The following RNGTT variants were observed in gnomAD, a reference collection of about 807,000 sequenced individuals.
RNGTT encodes mRNA-capping enzyme.
In RNGTT, 33 loss-of-function variants were observed where a neutral mutation model predicts 79.3. The observed-to-expected ratio is 0.42, with a 90% CI of 0.32 to 0.56. The LOEUF (loss-of-function observed/expected upper bound fraction) is 0.56. Ranked by LOEUF, RNGTT falls within the 20% of genes least tolerant of loss-of-function variation. The pLI is 0.17. For missense variants in RNGTT, 497 were observed against 739.1 expected (o/e 0.67, Z 3.80); for synonymous variants, 222 against 235.9 (o/e 0.94, Z 0.54).
At chr6:88,871,123 T>C (rs563144305) in intron 8 of RNGTT, among the ~76,000 whole-genome samples, 1 of 152,168 alleles carries the variant, frequency 6.6e-6, no homozygotes, top group South Asian at 2.1e-4. Context: ...TATTCTAGAG[T>C]ATACAGACCA....
chr6:88,794,046 T>C (rs1228358540), intron 12 of RNGTT, among the ~76,000 whole-genome samples: 1 of 152,234 alleles, frequency 6.6e-6, no homozygotes, highest in African/African-American at 2.4e-5. Context: ...TCATTTGCAC[T>C]GATCATCATA....
At chr6:88,630,714 C>CTTTTTTTTT (rs3839425) in intron 14 of RNGTT, among the ~76,000 whole-genome samples, 1 of 146,770 alleles carries the variant, frequency 6.8e-6, no homozygotes, top group Admixed American at 6.8e-5. Flanking sequence ...ACATCTGAGA[C>CTTTTTTTTT]TTTTTTTTTT....
chr6:88,749,128 AG>A (rs1777760806), intron 13 of RNGTT, among the ~76,000 whole-genome samples: 1 of 152,200 alleles, frequency 6.6e-6, no homozygotes, highest in Non-Finnish European at 1.5e-5. Context: ...GATAGAATAA[AG>A]ACTGTCACTA....
At chr6:88,821,286 T>G (rs1482381184) in intron 11 of RNGTT, among the ~76,000 whole-genome samples, 1 of 152,122 alleles carries the variant, frequency 6.6e-6, no homozygotes, top group Non-Finnish European at 1.5e-5. Context: ...AAACTTATGA[T>G]TTGTGTATGT....
chr6:88,685,927 C>G (rs1775261149), intron 13 of RNGTT, among the ~76,000 whole-genome samples: 1 of 151,150 alleles, frequency 6.6e-6, no homozygotes. Flanking sequence ...TAACAATGTA[C>G]TAGAGGTCCT....
intron 14 of RNGTT, among the ~76,000 whole-genome samples, chr6:88,659,922 A>G (rs576409589): frequency 1.3e-5 from 2 of 152,352 alleles, no homozygotes; most frequent in African/African-American, 4.8e-5. Flanking sequence ...GGTAACCTAT[A>G]AAGGAAAACC....
At chr6:88,943,960 G>C (rs1483829911) in intron 1 of RNGTT, among the ~76,000 whole-genome samples, 2 of 152,158 alleles carry the variant, frequency 1.3e-5, no homozygotes, top group East Asian at 3.8e-4. Context: ...AAATCTCACA[G>C]CACAAAAGAT....
chr6:88,956,177 GA>G (rs1222399303), intron 1 of RNGTT, among the ~76,000 whole-genome samples: 1 of 150,448 alleles, frequency 6.6e-6, no homozygotes, highest in Non-Finnish European at 1.5e-5. Flanking sequence ...TATTACAACC[GA>G]TACAACAAAA....
Position 88,678,393 on chromosome 6 carries a change from A to T in RNGTT, c.1466T>A (p.Leu489Gln). The T allele has an allele frequency of 6.8e-7, 1 of 1,473,114 alleles. No individual in the cohort carries two copies. The highest frequency in any genetic ancestry group is 9.1e-7 in the Non-Finnish European group (1 of 1,104,180). The allele number at this position is 1,473,114 out of a possible 1,614,324, so 91.3% of individuals were successfully genotyped here. The change falls in exon 14 of 16, where the codon CTG (leucine) becomes CAG (glutamine). Residue 489 changes from leucine to glutamine, a missense_variant. Physicochemically the swap from Leu to Gln is moderately radical, Grantham distance 113 (BLOSUM62 -2). Coordinates refer to ENST00000369485, the MANE Select transcript of RNGTT (RefSeq NM_003800.5). ...GGGTCTTTCATAACCTCCAACATAC[A>T]GGAGGCCAACATTCTGAGGAAGTAA... ...EGLLPQNVGL[L>Q]YVGGYERPFA...
chr6:88,876,454 G>A (rs528732586), intron 8 of RNGTT, among the ~76,000 whole-genome samples: 1 of 152,306 alleles, frequency 6.6e-6, no homozygotes, highest in Middle Eastern at 3.4e-3. Flanking sequence ...GGTCGAGGCT[G>A]CAGTGAGGCA....
intron 14 of RNGTT, among the ~76,000 whole-genome samples, chr6:88,646,226 C>G (rs1773551962): frequency 6.6e-6 from 1 of 152,196 alleles, no homozygotes; most frequent in African/African-American, 2.4e-5. Flanking sequence ...ATTTATGCAG[C>G]CAGCAGACAC....
chr6:88,818,311 G>A (rs551827971), intron 11 of RNGTT, among the ~76,000 whole-genome samples: 11 of 152,152 alleles, frequency 7.2e-5, no homozygotes, highest in South Asian at 4.1e-4. Context: ...GGCTGGGCGC[G>A]GTGGCTCATG....
chr6:88,642,990 C>T (rs760614135), intron 14 of RNGTT, among the ~76,000 whole-genome samples: 3 of 152,100 alleles, frequency 2.0e-5, no homozygotes, highest in Non-Finnish European at 4.4e-5. Flanking sequence ...AAGGGAAGTA[C>T]AAATGCGCCT....
At chr6:88,843,288 C>T (rs1324022698) in intron 11 of RNGTT, among the ~76,000 whole-genome samples, 1 of 151,828 alleles carries the variant, frequency 6.6e-6, no homozygotes. Flanking sequence ...TTCTACTTAC[C>T]CTGAAGAAAT....
At chr6:88,887,213 C>T (rs566052330) in intron 8 of RNGTT, among the ~76,000 whole-genome samples, 7 of 151,930 alleles carry the variant, frequency 4.6e-5, no homozygotes, top group African/African-American at 7.3e-5. Flanking sequence ...AATATTGTTA[C>T]GAGATATAAT....
At chr6:88,845,178 T>C (rs1386601298) in intron 10 of RNGTT, among the ~76,000 whole-genome samples, 2 of 151,514 alleles carry the variant, frequency 1.3e-5, no homozygotes, top group African/African-American at 4.9e-5. Context: ...ACCTACAATG[T>C]TTTTTGTTGT....
intron 14 of RNGTT, among the ~76,000 whole-genome samples, chr6:88,642,904 A>C (rs573396528): frequency 6.6e-6 from 1 of 152,370 alleles, no homozygotes; most frequent in East Asian, 1.9e-4. Context: ...TGCCAGAGCT[A>C]AGTTTGAAAA....
At chr6:88,709,999 T>G (rs1415890485) in intron 13 of RNGTT, among the ~76,000 whole-genome samples, 1 of 152,234 alleles carries the variant, frequency 6.6e-6, no homozygotes, top group African/African-American at 2.4e-5. Context: ...AATGATTCTT[T>G]GAAAGATTTT....
At chr6:88,944,364 G>T (rs1013782018) in intron 1 of RNGTT, among the ~76,000 whole-genome samples, 1 of 152,348 alleles carries the variant, frequency 6.6e-6, no homozygotes. Flanking sequence ...GTCCATGAAT[G>T]AAACTGCTAT....
Sources: allele counts gnomAD v4.1 joint callset (sites outside exome capture counted in the v4.1 genomes callset), GRCh38; gene constraint gnomAD v4.1.1; transcripts MANE v1.5; gene names NCBI Gene and HGNC (gene_info 2026-07-23, HGNC 2026-07-21).